NEGR1: variants seen among roughly 807,000 people sequenced by gnomAD.
NEGR1 encodes neuronal growth regulator 1, also known as IgLON family member 4.
Under a neutral mutation model 40.9 loss-of-function variants are expected in NEGR1, and 10 were observed. The observed-to-expected ratio is 0.24, with a 90% CI of 0.15 to 0.42. The LOEUF is 0.42. Ranked by LOEUF, NEGR1 falls within the 10% of genes least tolerant of loss-of-function variation. The pLI, the probability that NEGR1 is intolerant of heterozygous loss-of-function variation, is 1.00. For missense variants in NEGR1, 352 were observed against 438.9 expected (o/e 0.80, Z 1.77); for synonymous variants, 185 against 166.8 (o/e 1.11, Z -0.84).
intron 6 of NEGR1, among the ~76,000 whole-genome samples, chr1:71,491,337 T>A (rs1646926394): frequency 6.6e-6 from 1 of 151,848 alleles, no homozygotes; most frequent in Admixed American, 6.6e-5. Context: ...CCAAGGGAGG[T>A]CTGAGAACCA....
intron 1 of NEGR1, among the ~76,000 whole-genome samples, chr1:72,091,788 G>A (rs1055648676): frequency 6.6e-6 from 1 of 152,008 alleles, no homozygotes; most frequent in African/African-American, 2.4e-5. Flanking sequence ...ATTTCTCACA[G>A]CCCTGGACAC....
intron 2 of NEGR1, among the ~76,000 whole-genome samples, chr1:71,919,759 A>T (rs1645684215): frequency 6.6e-6 from 1 of 152,216 alleles, no homozygotes; most frequent in Non-Finnish European, 1.5e-5. Flanking sequence ...TTCGAGTTTG[A>T]GGAAAGTTGT....
At chr1:71,961,786 A>T (rs1646167284) in intron 1 of NEGR1, among the ~76,000 whole-genome samples, 1 of 152,142 alleles carries the variant, frequency 6.6e-6, no homozygotes, top group South Asian at 2.1e-4. Flanking sequence ...TTTATTTTTA[A>T]ATAAGATACA....
intron 1 of NEGR1, among the ~76,000 whole-genome samples, chr1:71,960,626 C>A (rs560790623): frequency 6.8e-4 from 103 of 152,076 alleles, no homozygotes; most frequent in Non-Finnish European, 1.2e-3. Flanking sequence ...TAGGTTTTTT[C>A]ATTTCTTGTA....
chr1:72,082,410 T>C (rs1450283396), intron 1 of NEGR1, among the ~76,000 whole-genome samples: 1 of 152,138 alleles, frequency 6.6e-6, no homozygotes, highest in Non-Finnish European at 1.5e-5. Context: ...TTAACTTATG[T>C]AGTAGAGCTT....
intron 6 of NEGR1, among the ~76,000 whole-genome samples, chr1:71,425,472 G>A (rs772541863): frequency 6.6e-6 from 1 of 152,114 alleles, no homozygotes; most frequent in Non-Finnish European, 1.5e-5. Context: ...GAGACTCCAA[G>A]GAGTCAGTGC....
At chr1:71,579,318 A>T (rs989147412) in intron 6 of NEGR1, among the ~76,000 whole-genome samples, 2 of 152,082 alleles carry the variant, frequency 1.3e-5, no homozygotes. Context: ...GTGTTGCCAA[A>T]CCCCTTTTCA....
intron 3 of NEGR1, among the ~76,000 whole-genome samples, chr1:71,717,037 T>C (rs1053057161): frequency 2.0e-4 from 30 of 152,340 alleles, no homozygotes; most frequent in African/African-American, 6.7e-4. Flanking sequence ...TTACTGTTTA[T>C]GTCGTTGTTT....
chr1:71,908,214 C>CAAA lies in NEGR1; in HGVS notation c.409+26862_409+26864dup, dbSNP rs80097153. Among the ~76,000 whole-genome samples, 99 of 112,630 alleles carry CAAA rather than the reference C, an allele frequency of 8.8e-4. 1 individual carries two copies. The highest frequency in any genetic ancestry group is 2.4e-3 in the African/African-American group (81 of 34,438). 73.9% of individuals were successfully genotyped at this position (112,630 alleles called of 152,430 possible). On this transcript the variant is annotated intron_variant, in intron 2 of 6. Transcript: ENST00000357731. ...ATAGAACCACAACGAAATGCCACTACAAAAAAAAAAAAAAGAATATTGTTT... is the reference window on the plus strand; with the variant it reads ...ATAGAACCACAACGAAATGCCACTACAAAAAAAAAAAAAAAAAGAATATTGTTT...
intron 4 of NEGR1, among the ~76,000 whole-genome samples, chr1:71,617,118 C>T (rs111320023): frequency 0.015 from 2,312 of 152,288 alleles, 54 homozygotes; most frequent in African/African-American, 0.053. Context: ...ACCACTTCAT[C>T]AAATGTGTCT....
chr1:72,229,238 T>A (rs1196610296), intron 1 of NEGR1, among the ~76,000 whole-genome samples: 3 of 151,652 alleles, frequency 2.0e-5, no homozygotes, highest in Non-Finnish European at 4.4e-5. Context: ...ACTACAATGA[T>A]TAGGTTGATC....
At chr1:71,646,163 C>T (rs968848038) in intron 4 of NEGR1, among the ~76,000 whole-genome samples, 2 of 151,730 alleles carry the variant, frequency 1.3e-5, no homozygotes, top group African/African-American at 4.8e-5. Flanking sequence ...TAGTTGAATA[C>T]ATATGTACAT....
chr1:72,208,013 T>C (rs1240975746), intron 1 of NEGR1, among the ~76,000 whole-genome samples: 1 of 151,710 alleles, frequency 6.6e-6, no homozygotes. Context: ...CACAATTCCA[T>C]TCCACATGAT....
chr1:71,674,510 A>G (rs1652546349), intron 4 of NEGR1, among the ~76,000 whole-genome samples: 1 of 152,072 alleles, frequency 6.6e-6, no homozygotes, highest in South Asian at 2.1e-4. Context: ...CATTAGCTAT[A>G]TAACAATTCT....
intron 1 of NEGR1, among the ~76,000 whole-genome samples, chr1:72,074,235 G>A (rs1295321753): frequency 2.6e-5 from 4 of 152,014 alleles, no homozygotes; most frequent in Admixed American, 6.6e-5. Flanking sequence ...TCTGATAAAC[G>A]TATGAATGAC....
chr1:72,148,383 G>A (rs1028471070), intron 1 of NEGR1, among the ~76,000 whole-genome samples: 1 of 151,996 alleles, frequency 6.6e-6, no homozygotes, highest in Non-Finnish European at 1.5e-5. Flanking sequence ...TCGAGTGGCT[G>A]GGACCTAGGG....
intron 6 of NEGR1, among the ~76,000 whole-genome samples, chr1:71,517,605 C>A (rs1199593562): frequency 6.9e-6 from 1 of 144,644 alleles, no homozygotes; most frequent in Non-Finnish European, 1.5e-5. Context: ...CTATGACAAA[C>A]CCACAGCCAA....
chr1:71,615,574 C>A (rs1760607), intron 4 of NEGR1, among the ~76,000 whole-genome samples: 2,726 of 152,264 alleles, frequency 0.018, 77 homozygotes, highest in African/African-American at 0.062. Context: ...TTAGGTTTAA[C>A]ACACTGTTTT....
chr1:72,021,006 A>C (rs1646751225), intron 1 of NEGR1, among the ~76,000 whole-genome samples: 1 of 152,008 alleles, frequency 6.6e-6, no homozygotes, highest in Admixed American at 6.5e-5. Flanking sequence ...TGGAAATAAC[A>C]CATTTTTTCC....
Sources: gnomAD v4.1 joint callset for allele counts (sites outside exome capture counted in the v4.1 genomes callset) on GRCh38, gnomAD v4.1.1 for gene constraint, MANE v1.5 for transcripts, NCBI Gene and HGNC (gene_info 2026-07-23, HGNC 2026-07-21) for gene names.